IL1R2: variants seen among roughly 807,000 people sequenced by gnomAD.
IL1R2 encodes the protein interleukin 1 receptor type 2, also known as interleukin-1 receptor type 2.
IL1R2 carries 46 observed loss-of-function variants against 39.5 expected under a neutral mutation model. The ratio of observed to expected loss-of-function variants is 1.16; its 90% CI spans 0.92 to 1.49. The LOEUF is 1.49. Among genes scored for constraint, IL1R2 ranks in the 40% most tolerant of loss-of-function variants. IL1R2 has a pLI of 0.00. For synonymous variants in IL1R2, 207 were observed against 189.6 expected, an observed-to-expected ratio of 1.09 and a Z score of -0.75; for missense variants, 537 against 502.0, an observed-to-expected ratio of 1.07 and a Z score of -0.67.
chr2:102,016,967 G>A (rs1232371932), intron 4 of IL1R2, among the ~76,000 whole-genome samples: 5 of 152,216 alleles, frequency 3.3e-5, no homozygotes, highest in African/African-American at 9.6e-5. Flanking sequence ...GTTGAGTAAA[G>A]GTACTTGAAA....
chr2:102,019,903 G>T (rs1677259264), intron 5 of IL1R2, 91 bp downstream of exon 5: 21 of 1,122,010 alleles, frequency 1.9e-5, no homozygotes, highest in Non-Finnish European at 2.7e-5. Context: ...TTCCTTGCAG[G>T]TCTTTGGAAT....
intron 4 of IL1R2, among the ~76,000 whole-genome samples, chr2:102,017,663 G>A (rs973972135): frequency 1.3e-5 from 2 of 152,278 alleles, no homozygotes; most frequent in Non-Finnish European, 2.9e-5. Flanking sequence ...TGGAAAAAAA[G>A]TAAAAGAAGG....
chr2:102,008,762 G>A (rs867729219), intron 2 of IL1R2, 120 bp downstream of exon 2: 130 of 829,172 alleles, frequency 1.6e-4, no homozygotes, highest in Middle Eastern at 1.5e-3. Context: ...GTGGCTGCCG[G>A]CTGTAATGTT....
chr2:101,992,884 T>A (rs931365642), intron 1 of IL1R2, among the ~76,000 whole-genome samples: 2 of 152,194 alleles, frequency 1.3e-5, no homozygotes, highest in African/African-American at 4.8e-5. Context: ...TCCTTGCCCA[T>A]GACCTTCTTC....
intron 3 of IL1R2, among the ~76,000 whole-genome samples, chr2:102,013,601 AAG>A (rs1676802842): frequency 1.4e-5 from 2 of 145,070 alleles, no homozygotes; most frequent in Non-Finnish European, 1.5e-5. Flanking sequence ...AAAAAAAAAA[AAG>A]AGAAAGAGTA....
At chr2:101,996,485 G>GT (rs11382814) in intron 1 of IL1R2, among the ~76,000 whole-genome samples, 37,997 of 82,238 alleles carry the variant, frequency 0.46, 7,649 homozygotes, top group Middle Eastern at 0.55. Context: ...TGTTTTCAGT[G>GT]TTTTTTTTTT....
At chr2:101,993,367 G>GTTACATCGACTGTAACCATGATTAAGT (rs1675437895) in intron 1 of IL1R2, among the ~76,000 whole-genome samples, 1 of 152,102 alleles carries the variant, frequency 6.6e-6, no homozygotes, top group African/African-American at 2.4e-5. Flanking sequence ...GTGATGAGGA[G>GTTACATCGACTGTAACCATGATTAAGT]TACAGTCGAT....
intron 1 of IL1R2, among the ~76,000 whole-genome samples, chr2:101,998,414 A>G (rs1248390421): frequency 6.6e-6 from 1 of 151,942 alleles, no homozygotes; most frequent in Non-Finnish European, 1.5e-5. Context: ...CCTCTTTCCA[A>G]TTTGCCATCT....
intron 6 of IL1R2, among the ~76,000 whole-genome samples, chr2:102,023,900 A>G (rs1199773088): frequency 6.6e-6 from 1 of 151,576 alleles, no homozygotes; most frequent in Non-Finnish European, 1.5e-5. Context: ...TACAAAAAAA[A>G]TTAGCCGGGC....
intron 1 of IL1R2, among the ~76,000 whole-genome samples, chr2:101,995,818 G>A (rs1675559808): frequency 6.6e-6 from 1 of 152,182 alleles, no homozygotes; most frequent in Admixed American, 6.5e-5. Flanking sequence ...CAGAATTTAC[G>A]GAGACCAGCA....
At chr2:101,998,619 A>G (rs1381390623) in intron 1 of IL1R2, among the ~76,000 whole-genome samples, 1 of 152,194 alleles carries the variant, frequency 6.6e-6, no homozygotes, top group East Asian at 1.9e-4. Flanking sequence ...TCAGCTGGTG[A>G]ATGGACTCAT....
At chr2:102,009,098 T>C (rs953556325) in intron 2 of IL1R2, among the ~76,000 whole-genome samples, 1 of 151,986 alleles carries the variant, frequency 6.6e-6, no homozygotes, top group East Asian at 1.9e-4. Flanking sequence ...GCGAATGTGC[T>C]TGTCAAAGAG....
chr2:101,993,313 C>A (rs1675435820), intron 1 of IL1R2, among the ~76,000 whole-genome samples: 1 of 152,122 alleles, frequency 6.6e-6, no homozygotes. Flanking sequence ...GACAGCTCAC[C>A]TGCTCAGGGT....
chr2:101,996,435 TGA>T (rs1675590029), intron 1 of IL1R2, among the ~76,000 whole-genome samples: 1 of 149,848 alleles, frequency 6.7e-6, no homozygotes, highest in African/African-American at 2.5e-5. Context: ...TTGCTGAGGG[TGA>T]GAGATTTTCC....
intron 1 of IL1R2, among the ~76,000 whole-genome samples, chr2:101,996,506 G>GT (rs1411409933): frequency 9.4e-4 from 5 of 5,338 alleles, no homozygotes; most frequent in South Asian, 7.0e-3. Flanking sequence ...TTTTTTTTTT[G>GT]GGGGGGAGAA....
rs992040879 is a variant in IL1R2 at position 102,025,800 on chromosome 2, G to GTT, written c.888-303_888-302dup. On this transcript the variant is annotated intron_variant, in intron 7 of 8. Coordinates refer to ENST00000332549, the MANE Select transcript of IL1R2 (RefSeq NM_004633.4). ...ACTAGACGTTTCTGTTCCCATGACTGTTTTTTTTTGTTGTTGTTGTTCATT... is the reference window on the plus strand; with the variant it reads ...ACTAGACGTTTCTGTTCCCATGACTGTTTTTTTTTTTGTTGTTGTTGTTCATT... Among the ~76,000 whole-genome samples the GTT allele has an allele frequency of 2.6e-5, 4 of 151,096 alleles. No individual in the cohort carries two copies. The East Asian group carries it at 5.8e-4, about 22-fold the overall frequency.
intron 4 of IL1R2, among the ~76,000 whole-genome samples, chr2:102,019,076 C>T (rs551646418): frequency 6.6e-6 from 1 of 152,066 alleles, no homozygotes; most frequent in African/African-American, 2.4e-5. Flanking sequence ...TTCCTGGAGG[C>T]CTTGATCTTG....
At chr2:102,000,000 G>C (rs1196800063) in intron 1 of IL1R2, among the ~76,000 whole-genome samples, 1 of 152,248 alleles carries the variant, frequency 6.6e-6, no homozygotes, top group South Asian at 2.1e-4. Flanking sequence ...TATAGTAACT[G>C]GTGTTAGCTA....
At chr2:102,019,613 A>T (rs560652892) in intron 4 of IL1R2, 25 bp from the exon 5 acceptor site, 3 of 1,554,490 alleles carry the variant, frequency 1.9e-6, no homozygotes, top group Middle Eastern at 1.7e-4. Flanking sequence ...TATAATGTCA[A>T]CTTAAAAAAA....
Sources: gnomAD v4.1 joint callset for allele counts (sites outside exome capture counted in the v4.1 genomes callset) on GRCh38, gnomAD v4.1.1 for gene constraint, MANE v1.5 for transcripts, NCBI Gene and HGNC (gene_info 2026-07-23, HGNC 2026-07-21) for gene names.